The following ELMO1 variants were observed in gnomAD, a reference collection of about 807,000 sequenced individuals.
ELMO1 encodes engulfment and cell motility protein 1.
A neutral mutation model predicts 98.9 loss-of-function variants in ELMO1; 26 were observed. The ratio of observed to expected loss-of-function variants is 0.26; its 90% confidence interval spans 0.19 to 0.36. ELMO1 has a LOEUF of 0.36. ELMO1 is among the 10% of genes least tolerant of loss of function. The probability of loss-of-function intolerance (pLI) is 1.00; values close to 1 mark genes in which losing one functional copy is unlikely to be tolerated. For missense variants in ELMO1, 627 were observed against 935.2 expected (o/e 0.67, Z 4.30); for synonymous variants, 346 against 346.0 (o/e 1.00, Z 0.00).
At position 36,853,551 on chromosome 7, in the gene ELMO1, T is replaced by G. The variant is rs1193826510; in HGVS notation, c.*2000A>C. Among the ~76,000 whole-genome samples, 1 of 152,246 alleles carries G rather than the reference T, an allele frequency of 6.6e-6. No homozygotes were observed. Among genetic ancestry groups the G allele is most frequent in the Non-Finnish European group, 1.5e-5 (1 of 68,046 alleles). Reference sequence around the variant, plus strand: ...ACATGTTAATAACATCGAAGCTTAATGATCAAGGAATTAACAGCTTGACAC... The same window carrying G: ...ACATGTTAATAACATCGAAGCTTAAGGATCAAGGAATTAACAGCTTGACAC... On this transcript the variant is annotated 3_prime_UTR_variant, in exon 22 of 22. Coordinates refer to ENST00000310758, the MANE Select transcript of ELMO1 (RefSeq NM_014800.11).
intron 14 of ELMO1, among the ~76,000 whole-genome samples, chr7:37,102,091 A>T (rs925264834): frequency 5.9e-5 from 9 of 152,204 alleles, no homozygotes; most frequent in African/African-American, 2.2e-4. Context: ...TAGGAATAGT[A>T]TCAGGCAACT....
chr7:37,329,131 G>A (rs1799969161), intron 2 of ELMO1, among the ~76,000 whole-genome samples: 1 of 152,156 alleles, frequency 6.6e-6, no homozygotes, highest in African/African-American at 2.4e-5. Flanking sequence ...AAATGCAAAG[G>A]CAGAGCAAAA....
At chr7:37,116,315 A>G (rs1785587595) in intron 14 of ELMO1, among the ~76,000 whole-genome samples, 1 of 152,262 alleles carries the variant, frequency 6.6e-6, no homozygotes, top group Non-Finnish European at 1.5e-5. Flanking sequence ...TACAGCAGAA[A>G]GAAAGAGGGC....
At chr7:37,414,156 T>A (rs538259060) in intron 1 of ELMO1, among the ~76,000 whole-genome samples, 1 of 152,340 alleles carries the variant, frequency 6.6e-6, no homozygotes, top group East Asian at 1.9e-4. Context: ...TTCATTTGAA[T>A]GATTCATTCC....
At chr7:37,115,013 A>G (rs970709358) in intron 14 of ELMO1, among the ~76,000 whole-genome samples, 3 of 152,180 alleles carry the variant, frequency 2.0e-5, no homozygotes, top group African/African-American at 7.2e-5. Context: ...AAATGGACCA[A>G]TTCCTTGAAA....
chr7:37,437,591 A>C (rs1805202582), intron 1 of ELMO1, among the ~76,000 whole-genome samples: 1 of 152,252 alleles, frequency 6.6e-6, no homozygotes, highest in African/African-American at 2.4e-5. Flanking sequence ...TGATCAAATC[A>C]GGCTAATGAA....
intron 13 of ELMO1, among the ~76,000 whole-genome samples, chr7:37,207,928 C>A (rs757409040): frequency 5.3e-5 from 8 of 152,214 alleles, no homozygotes; most frequent in Non-Finnish European, 8.8e-5. Flanking sequence ...GCCACTCAGC[C>A]ACCTAGATTG....
intron 6 of ELMO1, among the ~76,000 whole-genome samples, chr7:37,248,456 T>C (rs1795142285): frequency 1.3e-5 from 2 of 152,110 alleles, no homozygotes; most frequent in African/African-American, 4.8e-5. Flanking sequence ...GGGCAGATCC[T>C]GTTTAGGGAA....
chr7:37,109,929 AT>A (rs1289472603), intron 14 of ELMO1, among the ~76,000 whole-genome samples: 1 of 152,246 alleles, frequency 6.6e-6, no homozygotes, highest in East Asian at 1.9e-4. Flanking sequence ...CTCTGATGAT[AT>A]GAACTGAAAA....
intron 8 of ELMO1, among the ~76,000 whole-genome samples, chr7:37,225,866 G>A (rs1039280676): frequency 3.9e-5 from 6 of 152,140 alleles, no homozygotes; most frequent in African/African-American, 1.4e-4. Flanking sequence ...ACTGTCTGTT[G>A]ACAGCTCACA....
chr7:36,961,106 A>G (rs915913002), intron 16 of ELMO1, among the ~76,000 whole-genome samples: 3 of 152,220 alleles, frequency 2.0e-5, no homozygotes, highest in Non-Finnish European at 4.4e-5. Flanking sequence ...ATGCCATATC[A>G]ATAGCACAAT....
intron 16 of ELMO1, among the ~76,000 whole-genome samples, chr7:36,903,255 G>A (rs1783712652): frequency 6.6e-6 from 1 of 152,104 alleles, no homozygotes; most frequent in Admixed American, 6.5e-5. Context: ...CATTTGTCAA[G>A]CCTAGGCCTA....
chr7:37,211,801 G>A (rs1276218212), intron 12 of ELMO1, among the ~76,000 whole-genome samples: 2 of 151,856 alleles, frequency 1.3e-5, no homozygotes, highest in African/African-American at 4.8e-5. Flanking sequence ...TCTTAACTGA[G>A]AGGCCCAGAT....
At chr7:37,124,340 C>A (rs7784858) in intron 14 of ELMO1, among the ~76,000 whole-genome samples, 36,732 of 151,964 alleles carry the variant, frequency 0.24, 5,613 homozygotes, top group African/African-American at 0.44. Flanking sequence ...AGAGGAAGTC[C>A]AATTGTCCCT....
intron 1 of ELMO1, among the ~76,000 whole-genome samples, chr7:37,400,152 G>A (rs1159267472): frequency 6.6e-6 from 1 of 152,192 alleles, no homozygotes; most frequent in Non-Finnish European, 1.5e-5. Flanking sequence ...CATTGTAAAT[G>A]AGATGACACA....
At chr7:37,322,537 C>G (rs1016164998) in intron 2 of ELMO1, among the ~76,000 whole-genome samples, 1 of 151,440 alleles carries the variant, frequency 6.6e-6, no homozygotes, top group African/African-American at 2.4e-5. Context: ...AGAAAAATCG[C>G]TTGAATCTGG....
intron 16 of ELMO1, among the ~76,000 whole-genome samples, chr7:36,970,233 T>A (rs1357898238): frequency 6.9e-6 from 1 of 145,322 alleles, no homozygotes; most frequent in African/African-American, 2.7e-5. Context: ...ACACCAAGGA[T>A]CATATGCTGA....
intron 16 of ELMO1, among the ~76,000 whole-genome samples, chr7:36,961,860 T>C (rs1161049017): frequency 6.6e-6 from 1 of 152,202 alleles, no homozygotes. Flanking sequence ...TGGCCAGGCA[T>C]GTAAATAGTA....
At chr7:36,949,678 G>A (rs1186097265) in intron 16 of ELMO1, among the ~76,000 whole-genome samples, 2 of 151,602 alleles carry the variant, frequency 1.3e-5, no homozygotes, top group Non-Finnish European at 2.9e-5. Flanking sequence ...AACCAAATGT[G>A]ACAAAACTAT....
Sources: allele counts gnomAD v4.1 joint callset (sites outside exome capture counted in the v4.1 genomes callset), GRCh38; gene constraint gnomAD v4.1.1; transcripts MANE v1.5; gene names NCBI Gene and HGNC (gene_info 2026-07-23, HGNC 2026-07-21).